Variants in BIN3 observed in about 807,000 individuals in gnomAD.
The protein encoded by BIN3 is bridging integrator 3.
In BIN3, 41 loss-of-function variants were observed where a neutral mutation model predicts 38.2. That is an observed-to-expected ratio of 1.07 (90% CI 0.84 to 1.39). BIN3 has a LOEUF of 1.39. BIN3 is among the 40% of genes most tolerant of loss of function. The pLI, the probability that BIN3 is intolerant of heterozygous loss-of-function variation, is 0.00. For synonymous variants in BIN3, 145 were observed against 122.6 expected (o/e 1.18, Z -1.21); for missense variants, 361 against 324.3 (o/e 1.11, Z -0.87).
intron 2 of BIN3, 183 bp downstream of exon 2, chr8:22,644,572 T>C: frequency 1.7e-6 from 1 of 598,714 alleles, no homozygotes; most frequent in Non-Finnish European, 3.0e-6. Context: ...AGGGGAAGTG[T>C]CCCAGGACAG....
chr8:22,630,145 G>A (rs1446472418), intron 5 of BIN3, 141 bp from the exon 6 acceptor site: 2 of 1,057,786 alleles, frequency 1.9e-6, no homozygotes, highest in Non-Finnish European at 1.4e-6. Flanking sequence ...GCTTTGCTCA[G>A]GGTGGAGGCC....
intron 1 of BIN3, among the ~76,000 whole-genome samples, chr8:22,661,303 C>T (rs1803227146): frequency 6.8e-6 from 1 of 147,492 alleles, no homozygotes; most frequent in South Asian, 2.1e-4. Context: ...ATAGTATTGC[C>T]TTATAGGTCT....
chr8:22,662,856 G>C lies in BIN3; in HGVS notation c.8+6188C>G, dbSNP rs76400885. On this transcript the variant is annotated intron_variant, in intron 1 of 8. Transcript: ENST00000276416. ...GTCATTCTTTAAAAAAACAAACAAGGCTGGCCGCGGTGGCTCATGCTTGTA... is the reference window on the plus strand; with the variant it reads ...GTCATTCTTTAAAAAAACAAACAAGCCTGGCCGCGGTGGCTCATGCTTGTA... 9.2e-3 allele frequency among the ~76,000 whole-genome samples: 1,394 copies of C among 152,284 alleles called. 9 individuals are homozygous for C. Among genetic ancestry groups the C allele is most frequent in the Non-Finnish European group, 0.013 (870 of 68,026 alleles).
intron 6 of BIN3, among the ~76,000 whole-genome samples, chr8:22,629,512 CCT>C (rs1802112904): frequency 1.3e-5 from 2 of 152,396 alleles, no homozygotes; most frequent in East Asian, 3.8e-4. Flanking sequence ...CACGCCCCTC[CCT>C]GTGTGCGGCC....
chr8:22,630,621 G>A, intron 4 of BIN3, 43 bp from the exon 5 acceptor site: 1 of 1,609,314 alleles, frequency 6.2e-7, no homozygotes, highest in Non-Finnish European at 8.5e-7. Context: ...TGAAGGGGCA[G>A]GTTTCACGGC....
In BIN3 at chr8:22,621,104, G is replaced by A. The variant is rs1801784544; in HGVS notation, c.*318C>T. The A allele has an allele frequency of 6.6e-6, 2 of 301,602 alleles. No homozygotes were observed. The highest frequency in any genetic ancestry group is 1.2e-5 in the Non-Finnish European group (2 of 161,292). The allele number at this position is 301,602 out of a possible 1,614,324, so 18.7% of individuals were successfully genotyped here. On this transcript the variant is annotated 3_prime_UTR_variant, in exon 9 of 9. Transcript: ENST00000276416. Reference sequence around the variant, plus strand: ...ATGCAAGGCTAAGACCCCCAACTTAGCCAACGAAGCCCATGGCCTCAGAAG... The same window carrying A: ...ATGCAAGGCTAAGACCCCCAACTTAACCAACGAAGCCCATGGCCTCAGAAG...
chr8:22,648,136 C>CAA (rs55869105), intron 1 of BIN3, among the ~76,000 whole-genome samples: 34,288 of 101,930 alleles, frequency 0.34, 5,993 homozygotes, highest in East Asian at 0.45. Flanking sequence ...CTCCGTCTCT[C>CAA]AAAAAAAAAA....
chr8:22,645,817 T>C (rs1224178509), intron 1 of BIN3, among the ~76,000 whole-genome samples: 1 of 152,158 alleles, frequency 6.6e-6, no homozygotes, highest in Non-Finnish European at 1.5e-5. Context: ...GGAGAGTTAA[T>C]AAATAACAGA....
intron 6 of BIN3, 111 bp from the exon 7 acceptor site, chr8:22,624,474 G>A (rs1413400919): frequency 1.4e-6 from 2 of 1,421,480 alleles, no homozygotes; most frequent in East Asian, 2.3e-5. Flanking sequence ...GCTCTTGGAG[G>A]GGCGTCCTGG....
At chr8:22,637,971 G>A (rs1802425447) in intron 2 of BIN3, among the ~76,000 whole-genome samples, 1 of 152,194 alleles carries the variant, frequency 6.6e-6, no homozygotes, top group Admixed American at 6.5e-5. Flanking sequence ...ATTGGTGAGG[G>A]GTAGAGTTGA....
chr8:22,666,262 G>A (rs1016799590), intron 1 of BIN3, among the ~76,000 whole-genome samples: 1 of 151,560 alleles, frequency 6.6e-6, no homozygotes, highest in African/African-American at 2.4e-5. Flanking sequence ...CCATAATAAA[G>A]CCACCTGAGT....
At chr8:22,657,644 T>C (rs1011919673) in intron 1 of BIN3, among the ~76,000 whole-genome samples, 1 of 152,242 alleles carries the variant, frequency 6.6e-6, no homozygotes, top group African/African-American at 2.4e-5. Context: ...GCAGATGCCC[T>C]GATGTAAAGA....
intron 1 of BIN3, among the ~76,000 whole-genome samples, chr8:22,647,749 T>C (rs1022051419): frequency 6.6e-6 from 1 of 152,218 alleles, no homozygotes; most frequent in Non-Finnish European, 1.5e-5. Context: ...CCTATCATAC[T>C]GTTCTGATTA....
chr8:22,648,894 C>CGTATGTAT (rs56065322), intron 1 of BIN3, among the ~76,000 whole-genome samples: 11,328 of 147,814 alleles, frequency 0.077, 542 homozygotes, highest in African/African-American at 0.13. Flanking sequence ...TCCACATCAA[C>CGTATGTAT]GTATGTATGT....
At chr8:22,629,756 G>A (rs928608202) in intron 6 of BIN3, 44 of 594,606 alleles carry the variant, frequency 7.4e-5, no homozygotes, top group Non-Finnish European at 1.1e-4. Context: ...GGTACCCTGA[G>A]CTCGCCTGGG....
At chr8:22,640,458 G>A (rs1298180689) in intron 2 of BIN3, among the ~76,000 whole-genome samples, 2 of 152,078 alleles carry the variant, frequency 1.3e-5, no homozygotes, top group African/African-American at 2.4e-5. Flanking sequence ...CAAAGTGCTG[G>A]GATTACAGGC....
intron 1 of BIN3, among the ~76,000 whole-genome samples, chr8:22,656,673 T>A (rs1278583224): frequency 6.6e-6 from 1 of 152,234 alleles, no homozygotes; most frequent in African/African-American, 2.4e-5. Context: ...CAGCTATTCT[T>A]GATTTCAGCC....
chr8:22,654,027 C>T (rs1015068111), intron 1 of BIN3, among the ~76,000 whole-genome samples: 1 of 152,140 alleles, frequency 6.6e-6, no homozygotes, highest in African/African-American at 2.4e-5. Context: ...TGATCTCAGC[C>T]CTTGGCTTCA....
chr8:22,633,241 A>G (rs1802264561), intron 4 of BIN3, among the ~76,000 whole-genome samples: 1 of 151,978 alleles, frequency 6.6e-6, no homozygotes, highest in Non-Finnish European at 1.5e-5. Flanking sequence ...AAGCTGAAGC[A>G]GGAGGATCCC....
Sources: allele counts gnomAD v4.1 joint callset (sites outside exome capture counted in the v4.1 genomes callset), GRCh38; gene constraint gnomAD v4.1.1; transcripts MANE v1.5; gene names NCBI Gene and HGNC (gene_info 2026-07-23, HGNC 2026-07-21).